PCDH11Y: variants seen among roughly 807,000 people sequenced by gnomAD.
The protein encoded by PCDH11Y is protocadherin-11 Y-linked.
For missense variants in PCDH11Y, 12 were observed against 224.8 expected (o/e 0.05, Z 6.05); for synonymous variants, 9 against 83.6 (o/e 0.11, Z 4.87).
At chrY:5,513,939 C>CT (rs2053369199) in intron 3 of PCDH11Y, among the ~76,000 whole-genome samples, 4 of 24,631 alleles carry the variant, frequency 1.6e-4, no homozygotes, top group South Asian at 1.0e-3. Flanking sequence ...AGTTTTATTT[C>CT]TTTTTTTTAT....
At chrY:5,359,842 G>T in intron 2 of PCDH11Y, among the ~76,000 whole-genome samples, 2 of 32,578 alleles carry the variant, frequency 6.1e-5, no homozygotes, top group South Asian at 6.9e-4. Context: ...CCTACCTTCT[G>T]TTCCTCTCTT....
At chrY:5,629,407 G>C in intron 4 of PCDH11Y, among the ~76,000 whole-genome samples, 1 of 34,516 alleles carries the variant, frequency 2.9e-5, no homozygotes, top group Admixed American at 2.6e-4. Flanking sequence ...TGTCTATAGA[G>C]GTATCCTAAG....
chrY:5,037,998 A>C, intron 3 of PCDH11Y, among the ~76,000 whole-genome samples: 1 of 32,738 alleles, frequency 3.1e-5, no homozygotes, highest in Admixed American at 2.9e-4. Context: ...AAAAGTGTTA[A>C]ATCGGTGGTA....
At chrY:5,369,268 C>T (rs2053185043) in intron 2 of PCDH11Y, among the ~76,000 whole-genome samples, 1 of 32,704 alleles carries the variant, frequency 3.1e-5, no homozygotes, top group Admixed American at 2.8e-4. Flanking sequence ...AGAATTCCCA[C>T]GTGTTGTGCG....
intron 3 of PCDH11Y, chrY:5,573,563 C>T: frequency 3.5e-6 from 1 of 286,196 alleles, no homozygotes; most frequent in African/African-American, 7.0e-5. Context: ...CTCAGATCTT[C>T]GCAAATACTG....
intron 2 of PCDH11Y, among the ~76,000 whole-genome samples, chrY:5,304,887 CAA>C (rs2053088031): frequency 3.3e-4 from 11 of 33,367 alleles, no homozygotes; most frequent in African/African-American, 1.3e-3. Flanking sequence ...TGTTAAGTGA[CAA>C]AGTTTGTAGT....
At chrY:5,371,394 G>A in intron 2 of PCDH11Y, among the ~76,000 whole-genome samples, 2 of 33,641 alleles carry the variant, frequency 5.9e-5, no homozygotes, top group Non-Finnish European at 1.5e-4. Flanking sequence ...TCCGTTTTCT[G>A]CAAAACATCA....
intron 2 of PCDH11Y, among the ~76,000 whole-genome samples, chrY:5,452,899 G>A (rs2053294650): frequency 3.0e-5 from 1 of 33,368 alleles, no homozygotes. Flanking sequence ...GTGTCCTGAA[G>A]CTCAGGTATC....
intron 2 of PCDH11Y, among the ~76,000 whole-genome samples, chrY:5,139,419 T>C: frequency 6.3e-5 from 2 of 31,915 alleles, no homozygotes; most frequent in Admixed American, 5.8e-4. Context: ...GGAATCAAGG[T>C]GCATCTATAT....
chrY:5,700,135 T>G, intron 4 of PCDH11Y, among the ~76,000 whole-genome samples: 1 of 33,051 alleles, frequency 3.0e-5, no homozygotes, highest in Non-Finnish European at 7.5e-5. Context: ...TCAGCAATCT[T>G]GACTTCTCCT....
intron 2 of PCDH11Y, among the ~76,000 whole-genome samples, chrY:5,234,046 T>C: frequency 3.1e-5 from 1 of 31,779 alleles, no homozygotes; most frequent in South Asian, 7.0e-4. Flanking sequence ...ACAAATAAAA[T>C]GTAAATTACA....
chrY:5,669,296 T>C, intron 4 of PCDH11Y, among the ~76,000 whole-genome samples: 3 of 32,434 alleles, frequency 9.2e-5, no homozygotes, highest in African/African-American at 3.6e-4. Flanking sequence ...TTTGTATCCT[T>C]TAATGAATGT....
intron 3 of PCDH11Y, among the ~76,000 whole-genome samples, chrY:5,545,544 T>C: frequency 3.1e-5 from 1 of 32,691 alleles, no homozygotes; most frequent in Non-Finnish European, 7.6e-5. Context: ...CAGCGTATGA[T>C]ATTACAAGAT....
At chrY:5,091,218 G>A in intron 1 of PCDH11Y, among the ~76,000 whole-genome samples, 3 of 33,359 alleles carry the variant, frequency 9.0e-5, no homozygotes, top group Non-Finnish European at 2.2e-4. Context: ...TATAAGGCAT[G>A]CTTAGCCATT....
intron 2 of PCDH11Y, among the ~76,000 whole-genome samples, chrY:5,236,740 G>GT (rs2052975878): frequency 2.1e-4 from 6 of 27,919 alleles, no homozygotes; most frequent in Admixed American, 3.6e-4. Context: ...AGACCATGTG[G>GT]TTTTTTTTTT....
intron 2 of PCDH11Y, among the ~76,000 whole-genome samples, chrY:5,194,820 G>C (rs2124648892): frequency 6.1e-5 from 2 of 32,891 alleles, no homozygotes; most frequent in South Asian, 1.4e-3. Context: ...GGCGAGGGTG[G>C]CCTGCTTTTA....
intron 2 of PCDH11Y, among the ~76,000 whole-genome samples, chrY:5,388,360 ACC>A (rs2053218271): frequency 6.2e-5 from 2 of 32,022 alleles, no homozygotes; most frequent in Non-Finnish European, 1.5e-4. Flanking sequence ...TGCTTCCTCT[ACC>A]CCTGTATTTC....
At chrY:5,355,590 CCTT>C in intron 2 of PCDH11Y, among the ~76,000 whole-genome samples, 1 of 31,666 alleles carries the variant, frequency 3.2e-5, no homozygotes, top group East Asian at 8.3e-4. Flanking sequence ...CCCATATACA[CCTT>C]CTCATTTTAG....
At chrY:5,495,145 A>G in intron 2 of PCDH11Y, among the ~76,000 whole-genome samples, 1 of 33,389 alleles carries the variant, frequency 3.0e-5, no homozygotes, top group African/African-American at 1.2e-4. Flanking sequence ...ATCCTGCAAA[A>G]TGACTTGAGT....
Sources: allele counts gnomAD v4.1 joint callset (sites outside exome capture counted in the v4.1 genomes callset), GRCh38; gene constraint gnomAD v4.1.1; transcripts MANE v1.5; gene names NCBI Gene and HGNC (gene_info 2026-07-23, HGNC 2026-07-21).